The following BTRC variants were observed in gnomAD, a reference collection of about 807,000 sequenced individuals.
The protein encoded by BTRC is beta-transducin repeat containing E3 ubiquitin protein ligase.
Under a neutral mutation model 85.5 loss-of-function variants are expected in BTRC, and 42 were observed. The ratio of observed to expected loss-of-function variants is 0.49; its 90% CI spans 0.38 to 0.64. BTRC has a LOEUF of 0.64. Among genes scored for constraint, BTRC ranks in the 30% least tolerant of loss-of-function variants. The pLI is 0.00. For synonymous variants in BTRC, 255 were observed against 263.3 expected (o/e 0.97, Z 0.30); for missense variants, 594 against 743.5 (o/e 0.80, Z 2.34).
Position 101,354,247 on chromosome 10 carries a change from C to T in BTRC, c.48+19C>T. 4 of 1,548,400 alleles carry T rather than the reference C, an allele frequency of 2.6e-6. No homozygotes were observed. Among genetic ancestry groups the T allele is most frequent in the African/African-American group, 1.4e-5 (1 of 72,912 alleles). On this transcript the variant is annotated intron_variant, in intron 1 of 14. Transcript: ENST00000370187. Reference sequence around the variant, plus strand: ...GTTTATGGTGAGGAGACGGTGGAGGCCGGGGAACGGTGGAGGCGCTGGCGT... The same window carrying T: ...GTTTATGGTGAGGAGACGGTGGAGGTCGGGGAACGGTGGAGGCGCTGGCGT...
At chr10:101,427,134 T>A (rs1316020832) in intron 1 of BTRC, among the ~76,000 whole-genome samples, 54 of 110,846 alleles carry the variant, frequency 4.9e-4, no homozygotes, top group African/African-American at 1.3e-3. Flanking sequence ...TTTTTTTTTT[T>A]TTGAGACGGA....
At chr10:101,527,456 A>G (rs1260202904) in intron 6 of BTRC, among the ~76,000 whole-genome samples, 2 of 152,200 alleles carry the variant, frequency 1.3e-5, no homozygotes, top group Admixed American at 6.5e-5. Context: ...AGGCTGTGTA[A>G]CAAAGAATAT....
chr10:101,411,245 C>T (rs369237443), intron 1 of BTRC, among the ~76,000 whole-genome samples: 8 of 152,034 alleles, frequency 5.3e-5, no homozygotes, highest in East Asian at 1.9e-4. Context: ...CTACCTGCCT[C>T]GGCCTCCCAA....
chr10:101,452,435 T>TA (rs1404033154), intron 2 of BTRC, among the ~76,000 whole-genome samples: 1 of 152,202 alleles, frequency 6.6e-6, no homozygotes, highest in Admixed American at 6.5e-5. Context: ...AGGCTTCCAT[T>TA]AACCCCCACT....
At chr10:101,496,333 A>G (rs979953992) in intron 4 of BTRC, among the ~76,000 whole-genome samples, 5 of 152,290 alleles carry the variant, frequency 3.3e-5, no homozygotes, top group East Asian at 1.9e-4. Context: ...TTTCTCACCA[A>G]CCAACACTTG....
At chr10:101,383,214 C>G (rs1007046732) in intron 1 of BTRC, among the ~76,000 whole-genome samples, 27 of 151,816 alleles carry the variant, frequency 1.8e-4, no homozygotes, top group African/African-American at 6.5e-4. Flanking sequence ...CAGGCGTGCA[C>G]CACCACGCCC....
At chr10:101,506,812 T>C (rs1167287851) in intron 4 of BTRC, among the ~76,000 whole-genome samples, 1 of 152,140 alleles carries the variant, frequency 6.6e-6, no homozygotes, top group Non-Finnish European at 1.5e-5. Flanking sequence ...TCACAAAGGG[T>C]TAAATTATGT....
rs768349249 is a variant in BTRC at position 101,534,917 on chromosome 10, A to C, written c.1347+7A>C. On this transcript the variant is annotated splice_region_variant and intron_variant, in intron 10 of 14. Transcript: ENST00000370187. ...TGGGGATAGAACTATAAAGGTAATA[A>C]GGCATTTTTCAGTAAGTTTCCAACT... 2 of 1,607,632 alleles carry C rather than the reference A, an allele frequency of 1.2e-6. No homozygotes were observed. Among genetic ancestry groups the C allele is most frequent in the African/African-American group, 2.7e-5 (2 of 74,814 alleles).
chr10:101,395,602 A>AT (rs1943343922), intron 1 of BTRC, among the ~76,000 whole-genome samples: 1 of 152,130 alleles, frequency 6.6e-6, no homozygotes, highest in Admixed American at 6.5e-5. Flanking sequence ...ATAACAGTGG[A>AT]TTTTTTTCTT....
chr10:101,465,959 T>C (rs1460118176), intron 3 of BTRC, among the ~76,000 whole-genome samples: 1 of 152,196 alleles, frequency 6.6e-6, no homozygotes, highest in Non-Finnish European at 1.5e-5. Context: ...ACAATTTTTG[T>C]TTTACTCCTA....
At chr10:101,355,471 C>T (rs533828222) in intron 1 of BTRC, among the ~76,000 whole-genome samples, 3 of 152,242 alleles carry the variant, frequency 2.0e-5, no homozygotes, top group African/African-American at 4.8e-5. Context: ...TAATCTGATG[C>T]TTTTTGTATT....
chr10:101,358,656 G>A (rs954495490), intron 1 of BTRC, among the ~76,000 whole-genome samples: 1 of 152,124 alleles, frequency 6.6e-6, no homozygotes, highest in African/African-American at 2.4e-5. Flanking sequence ...GCTGAGGTGT[G>A]GGAAAGACCT....
chr10:101,516,845 G>A (rs747531155), intron 4 of BTRC, among the ~76,000 whole-genome samples: 1 of 152,074 alleles, frequency 6.6e-6, no homozygotes, highest in African/African-American at 2.4e-5. Context: ...TCTGTTACTG[G>A]CATTCTGGTC....
At position 101,460,783 on chromosome 10, in the gene BTRC, T is replaced by G. The variant is rs148354798; in HGVS notation, c.157-1198T>G. On this transcript the variant is annotated intron_variant, in intron 2 of 14. Transcript: ENST00000370187. ...TTGTATATTAATAATTTCATGCTTG[T>G]ATGAAAATTTTCAGATAAACTCTCA... Among the ~76,000 whole-genome samples the G allele has an allele frequency of 5.0e-3, 759 of 152,356 alleles. 8 individuals carry two copies. Among genetic ancestry groups the G allele is most frequent in the African/African-American group, 0.017 (714 of 41,582 alleles).
At chr10:101,497,214 T>G (rs1946284839) in intron 4 of BTRC, among the ~76,000 whole-genome samples, 1 of 152,234 alleles carries the variant, frequency 6.6e-6, no homozygotes, top group Non-Finnish European at 1.5e-5. Flanking sequence ...CTTATAGGTC[T>G]TTATCAAAAT....
intron 13 of BTRC, among the ~76,000 whole-genome samples, chr10:101,539,881 G>A (rs890289805): frequency 6.6e-6 from 1 of 152,106 alleles, no homozygotes; most frequent in Non-Finnish European, 1.5e-5. Context: ...GGTTTAATTC[G>A]TGTATCTCTA....
intron 2 of BTRC, among the ~76,000 whole-genome samples, chr10:101,437,416 C>T (rs183851214): frequency 7.9e-5 from 12 of 152,152 alleles, no homozygotes; most frequent in Admixed American, 2.6e-4. Context: ...TGTGCCTGTG[C>T]GTGCACACAC....
chr10:101,448,456 G>A, intron 2 of BTRC, among the ~76,000 whole-genome samples: 1 of 151,966 alleles, frequency 6.6e-6, no homozygotes. Flanking sequence ...TTGTTGTTTG[G>A]TGATGTTAAC....
At chr10:101,521,589 CT>C in intron 4 of BTRC, 49 bp from the exon 5 acceptor site, 1 of 1,325,528 alleles carries the variant, frequency 7.5e-7, no homozygotes, top group Non-Finnish European at 1.1e-6. Context: ...ATATATTTCC[CT>C]CATTTTCAAT....
Sources: allele counts gnomAD v4.1 joint callset (sites outside exome capture counted in the v4.1 genomes callset), GRCh38; gene constraint gnomAD v4.1.1; transcripts MANE v1.5; gene names NCBI Gene and HGNC (gene_info 2026-07-23, HGNC 2026-07-21).